FARS2: variants seen among roughly 807,000 people sequenced by gnomAD.
The protein encoded by FARS2 is phenylalanine--tRNA ligase, mitochondrial.
Under a neutral mutation model 46.4 loss-of-function variants are expected in FARS2, and 40 were observed. That is an observed-to-expected ratio of 0.86 (90% CI 0.67 to 1.12). The LOEUF (loss-of-function observed/expected upper bound fraction) is 1.12, where lower values mean the gene tolerates loss of function less well. Among genes scored for constraint, FARS2 ranks in the 50% most tolerant of loss-of-function variants. FARS2 has a pLI of 0.00. For synonymous variants in FARS2, 234 were observed against 214.9 expected, an observed-to-expected ratio of 1.09 and a Z score of -0.78; for missense variants, 513 against 567.9, an observed-to-expected ratio of 0.90 and a Z score of 0.98.
At chr6:5,341,198 TA>T (rs1771542736) in intron 1 of FARS2, among the ~76,000 whole-genome samples, 1 of 5,738 alleles carries the variant, frequency 1.7e-4, no homozygotes, top group African/African-American at 5.9e-4. Flanking sequence ...GATATATATA[TA>T]TATATATATA....
At chr6:5,612,392 C>T (rs190818126) in intron 5 of FARS2, among the ~76,000 whole-genome samples, 2 of 152,214 alleles carry the variant, frequency 1.3e-5, no homozygotes, top group East Asian at 3.9e-4. Flanking sequence ...TTTATTGCAG[C>T]AGTAACTTAC....
rs115584250 is a variant in FARS2 at position 5,386,098 on chromosome 6, G to A, written c.612+16916G>A. 1.5e-3 allele frequency among the ~76,000 whole-genome samples: 224 copies of A among 152,316 alleles called. 2 individuals are homozygous for A. Among genetic ancestry groups the A allele is most frequent in the Middle Eastern group, 6.8e-3 (2 of 294 alleles). On this transcript the variant is annotated intron_variant, in intron 2 of 6. Transcript: ENST00000274680. ...GCTCCCCACAGTCAGCATAATGGAA[G>A]ATACAGTCAAGGCACGGAAGAGGGA...
intron 6 of FARS2, among the ~76,000 whole-genome samples, chr6:5,643,397 G>A (rs960542367): frequency 6.6e-6 from 1 of 152,146 alleles, no homozygotes; most frequent in African/African-American, 2.4e-5. Context: ...GGCAGACGAC[G>A]AATATAAGGA....
intron 6 of FARS2, among the ~76,000 whole-genome samples, chr6:5,654,948 TTC>T (rs1295857462): frequency 6.6e-6 from 1 of 152,048 alleles, no homozygotes; most frequent in Non-Finnish European, 1.5e-5. Context: ...TTTTCTTATT[TTC>T]TTAGTAACAT....
At chr6:5,349,881 G>GTT (rs199779414) in intron 1 of FARS2, among the ~76,000 whole-genome samples, 7 of 135,846 alleles carry the variant, frequency 5.2e-5, no homozygotes, top group Non-Finnish European at 9.6e-5. Flanking sequence ...GGAGTTATAT[G>GTT]TTTTTTTTTT....
At chr6:5,431,882 A>C (rs1045545247) in intron 4 of FARS2, 1 of 254,606 alleles carries the variant, frequency 3.9e-6, no homozygotes, top group African/African-American at 2.2e-5. Context: ...ATCTGAATTG[A>C]GTAATTTTTA....
At chr6:5,640,363 A>C (rs1264759927) in intron 6 of FARS2, among the ~76,000 whole-genome samples, 1 of 152,192 alleles carries the variant, frequency 6.6e-6, no homozygotes, top group African/African-American at 2.4e-5. Flanking sequence ...GAGATGCAGC[A>C]GATCTGAATT....
At chr6:5,699,612 A>G (rs1367742199) in intron 6 of FARS2, among the ~76,000 whole-genome samples, 1 of 151,958 alleles carries the variant, frequency 6.6e-6, no homozygotes, top group Non-Finnish European at 1.5e-5. Context: ...GGTTCAAGCA[A>G]TTCTCCTGCC....
At chr6:5,731,084 C>T (rs925580007) in intron 6 of FARS2, among the ~76,000 whole-genome samples, 1 of 152,146 alleles carries the variant, frequency 6.6e-6, no homozygotes, top group Non-Finnish European at 1.5e-5. Context: ...ATACAGCCCG[C>T]CCCCGATGAT....
intron 1 of FARS2, among the ~76,000 whole-genome samples, chr6:5,296,266 T>C (rs1432573657): frequency 2.0e-5 from 3 of 149,142 alleles, no homozygotes; most frequent in South Asian, 2.2e-4. Context: ...CTCAGCCTCC[T>C]GAGTAGCTGG....
At chr6:5,526,947 A>G (rs1254908320) in intron 4 of FARS2, among the ~76,000 whole-genome samples, 1 of 152,240 alleles carries the variant, frequency 6.6e-6, no homozygotes, top group Non-Finnish European at 1.5e-5. Flanking sequence ...AAAGAAACAG[A>G]TAAGTATATG....
rs1332358400 is a variant in FARS2 at position 5,706,275 on chromosome 6, G to T, written c.1218-65016G>T. ...ACCCTCACTTCCTGCCACGCAGCCT[G>T]CTTCCTAGCCGGACACAAACGGGTA... On this transcript the variant is annotated intron_variant, in intron 6 of 6. Transcript: ENST00000274680. Among the ~76,000 whole-genome samples the T allele has an allele frequency of 2.0e-5, 3 of 152,332 alleles. No homozygotes were observed. The East Asian group carries it at 5.8e-4, about 29-fold the overall frequency.
chr6:5,665,214 C>G (rs1361881973), intron 6 of FARS2: 1 of 152,338 alleles, frequency 6.6e-6, no homozygotes, highest in East Asian at 1.9e-4. Context: ...ATGGCTCACC[C>G]TGGAGAGTTG....
intron 4 of FARS2, among the ~76,000 whole-genome samples, chr6:5,530,987 G>C (rs1320145344): frequency 1.3e-5 from 2 of 150,884 alleles, no homozygotes; most frequent in East Asian, 1.9e-4. Flanking sequence ...TAAATACAGG[G>C]CTGCTGATCT....
chr6:5,608,000 A>G (rs1256050029), intron 5 of FARS2, among the ~76,000 whole-genome samples: 3 of 135,370 alleles, frequency 2.2e-5, no homozygotes, highest in Admixed American at 7.4e-5. Context: ...TTTTTTTTTT[A>G]GTTTCCAAAT....
intron 3 of FARS2, among the ~76,000 whole-genome samples, chr6:5,419,802 C>A (rs1431247837): frequency 6.6e-6 from 1 of 152,124 alleles, no homozygotes; most frequent in Non-Finnish European, 1.5e-5. Context: ...CTTTTTGCCT[C>A]CCTCCTGCCC....
chr6:5,615,931 A>G (rs1246889440), intron 6 of FARS2, among the ~76,000 whole-genome samples: 2 of 151,654 alleles, frequency 1.3e-5, no homozygotes, highest in East Asian at 3.9e-4. Context: ...TGTTAGAAAC[A>G]GAATAATTAC....
chr6:5,650,914 A>C (rs1396440550), intron 6 of FARS2, among the ~76,000 whole-genome samples: 1 of 152,154 alleles, frequency 6.6e-6, no homozygotes, highest in Non-Finnish European at 1.5e-5. Context: ...TCTGATTCTT[A>C]CTGGTTTTGC....
rs565301963 is a variant in FARS2 at position 5,495,005 on chromosome 6, C to T, written c.905-50175C>T. Among the ~76,000 whole-genome samples, 5 of 152,318 alleles carry T rather than the reference C, an allele frequency of 3.3e-5. No individual in the cohort carries two copies. The East Asian group carries it at 7.7e-4, about 24-fold the overall frequency. On this transcript the variant is annotated intron_variant, in intron 4 of 6. Transcript: ENST00000274680. Reference sequence around the variant, plus strand: ...GGTAATTGCTCTTCTCTTCAGAATACACCTCCTAAAATGACTGCTGTGTGA... The same window carrying T: ...GGTAATTGCTCTTCTCTTCAGAATATACCTCCTAAAATGACTGCTGTGTGA...
Sources: gnomAD v4.1 joint callset for allele counts (sites outside exome capture counted in the v4.1 genomes callset) on GRCh38, gnomAD v4.1.1 for gene constraint, MANE v1.5 for transcripts, NCBI Gene and HGNC (gene_info 2026-07-23, HGNC 2026-07-21) for gene names.